Variants in CADPS2 observed in about 807,000 individuals in gnomAD.
The protein encoded by CADPS2 is calcium dependent secretion activator 2.
Under a neutral mutation model 172.5 loss-of-function variants are expected in CADPS2, and 93 were observed. That is an observed-to-expected ratio of 0.54 (90% confidence interval 0.46 to 0.64). The LOEUF (loss-of-function observed/expected upper bound fraction) is 0.64. Ranked by LOEUF, CADPS2 falls within the 30% of genes least tolerant of loss-of-function variation. The probability of loss-of-function intolerance (pLI) is 0.00; values close to 1 mark genes in which losing one functional copy is unlikely to be tolerated. For synonymous variants in CADPS2, 546 were observed against 555.2 expected (o/e 0.98, Z 0.23); for missense variants, 1,420 against 1,565.9 (o/e 0.91, Z 1.57).
chr7:122,855,711 T>C (rs1168391496), intron 1 of CADPS2, among the ~76,000 whole-genome samples: 3 of 152,226 alleles, frequency 2.0e-5, no homozygotes, highest in African/African-American at 7.2e-5. Flanking sequence ...ATGAAAAGAA[T>C]GCAGACTGCT....
At chr7:122,702,798 T>C (rs1235538221) in intron 2 of CADPS2, 1 of 1,357,208 alleles carries the variant, frequency 7.4e-7, no homozygotes, top group Non-Finnish European at 1.0e-6. Flanking sequence ...CAAAACAACA[T>C]CAGTTGTAGA....
At chr7:122,423,580 T>C (rs1160333185) in intron 17 of CADPS2, among the ~76,000 whole-genome samples, 2 of 152,114 alleles carry the variant, frequency 1.3e-5, no homozygotes, top group Admixed American at 6.6e-5. Context: ...TGAAAGAAAA[T>C]GAGGAATCAT....
intron 9 of CADPS2, among the ~76,000 whole-genome samples, chr7:122,495,059 T>C (rs2058628279): frequency 6.6e-6 from 1 of 152,110 alleles, no homozygotes; most frequent in South Asian, 2.1e-4. Context: ...TCTCTTACTC[T>C]AGAAAAATAA....
At chr7:122,474,330 T>A (rs2056364352) in intron 13 of CADPS2, 51 bp downstream of exon 13, 2 of 1,544,486 alleles carry the variant, frequency 1.3e-6, no homozygotes, top group Non-Finnish European at 1.8e-6. Context: ...TTATAGGGGA[T>A]CTAAAATCTT....
At chr7:122,360,408 C>A (rs80282647) in intron 27 of CADPS2, among the ~76,000 whole-genome samples, 3,474 of 152,238 alleles carry the variant, frequency 0.023, 123 homozygotes, top group African/African-American at 0.079. Flanking sequence ...TTAACTGGTT[C>A]ATCTTTATCA....
intron 13 of CADPS2, 31 bp from the exon 14 acceptor site, chr7:122,471,593 G>A: frequency 6.6e-7 from 1 of 1,510,698 alleles, no homozygotes; most frequent in Non-Finnish European, 8.9e-7. Flanking sequence ...AGATATACAT[G>A]TTTTTTCTTT....
intron 1 of CADPS2, among the ~76,000 whole-genome samples, chr7:122,881,439 C>T (rs995960004): frequency 1.3e-5 from 2 of 152,110 alleles, no homozygotes; most frequent in Non-Finnish European, 2.9e-5. Context: ...AGCAATTTTC[C>T]CTGAGATACT....
chr7:122,648,698 G>A (rs2078820070), intron 3 of CADPS2, among the ~76,000 whole-genome samples: 2 of 152,170 alleles, frequency 1.3e-5, no homozygotes, highest in African/African-American at 4.8e-5. Context: ...TAGAGAGTAG[G>A]TAGTTCAGTG....
chr7:122,528,262 C>T (rs777041247), intron 8 of CADPS2, among the ~76,000 whole-genome samples: 3 of 151,952 alleles, frequency 2.0e-5, no homozygotes, highest in Non-Finnish European at 2.9e-5. Context: ...AGGAAAAAAG[C>T]TTTCCAAGAA....
At chr7:122,666,874 C>A (rs1337664395) in intron 2 of CADPS2, among the ~76,000 whole-genome samples, 1 of 152,142 alleles carries the variant, frequency 6.6e-6, no homozygotes, top group Non-Finnish European at 1.5e-5. Flanking sequence ...CCTAGAACCC[C>A]AGAAGGCCAA....
intron 4 of CADPS2, among the ~76,000 whole-genome samples, chr7:122,627,713 A>T (rs2076214722): frequency 6.6e-6 from 1 of 152,278 alleles, no homozygotes; most frequent in Non-Finnish European, 1.5e-5. Context: ...TACAATCTAT[A>T]TACAAGTAGG....
chr7:122,848,968 A>G (rs1812772496), intron 1 of CADPS2, among the ~76,000 whole-genome samples: 1 of 152,218 alleles, frequency 6.6e-6, no homozygotes, highest in Non-Finnish European at 1.5e-5. Flanking sequence ...AAGAGTTTTC[A>G]TGCAAAGGCA....
intron 6 of CADPS2, among the ~76,000 whole-genome samples, chr7:122,603,965 C>A (rs1173132420): frequency 2.0e-5 from 3 of 151,982 alleles, no homozygotes; most frequent in Non-Finnish European, 4.4e-5. Context: ...GAACTCTGTA[C>A]AACATGGGGG....
Position 122,572,088 on chromosome 7 carries a change from A to G in CADPS2, c.1335+9091T>C, listed in dbSNP as rs991382993. ...AGAAGCTCCTCGTGAAATCATAATC[A>G]CAGGTATTTTTCTTCAATTTGAAAG... On this transcript the variant is annotated intron_variant, in intron 7 of 29. Transcript: ENST00000449022. 8.5e-5 allele frequency among the ~76,000 whole-genome samples: 13 copies of G among 152,314 alleles called. No homozygotes were observed. The South Asian group carries it at 1.5e-3, about 17-fold the overall frequency.
chr7:122,872,328 C>CAAAATG (rs1819973530), intron 1 of CADPS2, among the ~76,000 whole-genome samples: 2 of 152,084 alleles, frequency 1.3e-5, no homozygotes, highest in African/African-American at 4.8e-5. Context: ...ACATTTTGGC[C>CAAAATG]TCCCTCTCTG....
chr7:122,484,131 T>A (rs1425821022), intron 11 of CADPS2, among the ~76,000 whole-genome samples: 1 of 152,160 alleles, frequency 6.6e-6, no homozygotes. Flanking sequence ...CCCATATATA[T>A]AAACAATTAT....
In CADPS2 at chr7:122,478,429, T is replaced by C. The variant is rs192860450; in HGVS notation, c.1861+2423A>G. 9.2e-5 allele frequency among the ~76,000 whole-genome samples: 14 copies of C among 152,330 alleles called. No individual in the cohort carries two copies. The East Asian group carries it at 1.9e-3, about 21-fold the overall frequency. Reference sequence around the variant, plus strand: ...TGGGATTGGTAATTGAGGATACTGGTGGAGTTTCTATGGCAACAGTTGGAT... The same window carrying C: ...TGGGATTGGTAATTGAGGATACTGGCGGAGTTTCTATGGCAACAGTTGGAT... On this transcript the variant is annotated intron_variant, in intron 12 of 29. Coordinates refer to ENST00000449022, the MANE Select transcript of CADPS2 (RefSeq NM_017954.11).
At chr7:122,637,636 C>A (rs140488749) in intron 3 of CADPS2, among the ~76,000 whole-genome samples, 1 of 152,100 alleles carries the variant, frequency 6.6e-6, no homozygotes, top group Non-Finnish European at 1.5e-5. Context: ...TTGTTGCTAC[C>A]CAGATTCTGA....
chr7:122,741,519 G>A (rs12706440), intron 1 of CADPS2, among the ~76,000 whole-genome samples: 37,650 of 151,964 alleles, frequency 0.25, 4,841 homozygotes, highest in Middle Eastern at 0.31. Context: ...AGACTGGACA[G>A]CACACCAATT....
Sources: allele counts gnomAD v4.1 joint callset (sites outside exome capture counted in the v4.1 genomes callset), GRCh38; gene constraint gnomAD v4.1.1; transcripts MANE v1.5; gene names NCBI Gene and HGNC (gene_info 2026-07-23, HGNC 2026-07-21).